MGAT4C: variants seen among roughly 807,000 people sequenced by gnomAD.
MGAT4C encodes the protein alpha-1,3-mannosyl-glycoprotein 4-beta-N-acetylglucosaminyltransferase C.
In MGAT4C, 19 loss-of-function variants were observed where a neutral mutation model predicts 40.1. That is an observed-to-expected ratio of 0.47 (90% CI 0.33 to 0.70). The LOEUF (loss-of-function observed/expected upper bound fraction) is 0.70. Among genes scored for constraint, MGAT4C ranks in the 30% least tolerant of loss-of-function variants. The pLI, the probability that MGAT4C is intolerant of heterozygous loss-of-function variation, is 0.02. For missense variants in MGAT4C, 491 were observed against 563.2 expected, an observed-to-expected ratio of 0.87 and a Z score of 1.30; for synonymous variants, 181 against 187.1, an observed-to-expected ratio of 0.97 and a Z score of 0.27.
intron 3 of MGAT4C, among the ~76,000 whole-genome samples, chr12:86,363,811 A>C (rs1032223303): frequency 6.6e-6 from 1 of 152,142 alleles, no homozygotes; most frequent in Non-Finnish European, 1.5e-5. Flanking sequence ...GAGGGATATT[A>C]TTACAAAGCC....
At chr12:86,477,463 A>G (rs1311434709) in intron 2 of MGAT4C, among the ~76,000 whole-genome samples, 3 of 152,144 alleles carry the variant, frequency 2.0e-5, no homozygotes, top group Non-Finnish European at 4.4e-5. Context: ...CTACTGGGTG[A>G]TAAGATCATT....
At chr12:86,531,148 T>C (rs1406045417) in intron 2 of MGAT4C, among the ~76,000 whole-genome samples, 2 of 152,106 alleles carry the variant, frequency 1.3e-5, no homozygotes, top group Non-Finnish European at 2.9e-5. Context: ...AAATAGCTTA[T>C]GCAACATTCA....
intron 1 of MGAT4C, among the ~76,000 whole-genome samples, chr12:86,199,368 G>A (rs1222304129): frequency 2.4e-5 from 2 of 83,996 alleles, no homozygotes; most frequent in African/African-American, 7.3e-5. Context: ...CAATGTTAAG[G>A]GACAGTTTAG....
intron 2 of MGAT4C, among the ~76,000 whole-genome samples, chr12:86,593,697 T>C (rs1961419768): frequency 6.6e-6 from 1 of 152,224 alleles, no homozygotes; most frequent in South Asian, 2.1e-4. Flanking sequence ...TCTAATTTCA[T>C]TTTATGATTA....
At chr12:86,203,977 T>TAA in intron 1 of MGAT4C, among the ~76,000 whole-genome samples, 1 of 141,732 alleles carries the variant, frequency 7.1e-6, no homozygotes, top group African/African-American at 2.6e-5. Context: ...AAAAAAGAAA[T>TAA]ATATATATAT....
rs576497605 is a variant in MGAT4C, at chr12:86,357,625, A to G, written c.-119-23498T>C. Among the ~76,000 whole-genome samples, 4 of 152,304 alleles carry G rather than the reference A, an allele frequency of 2.6e-5. No individual in the cohort carries two copies. The South Asian group carries it at 8.3e-4, about 32-fold the overall frequency. ...CTAACTAGAAGGAACAGTGTAGAGAAGAACTTAAATGACCTGATGGAGCTG... is the reference window on the plus strand; with the variant it reads ...CTAACTAGAAGGAACAGTGTAGAGAGGAACTTAAATGACCTGATGGAGCTG... On this transcript the variant is annotated intron_variant, in intron 3 of 7. Coordinates refer to the MGAT4C transcript ENST00000548651.
At chr12:86,067,378 A>T (rs1370477698) in intron 1 of MGAT4C, among the ~76,000 whole-genome samples, 1 of 152,224 alleles carries the variant, frequency 6.6e-6, no homozygotes. Context: ...CTATGTAGCC[A>T]TAAAAAGGAT....
intron 4 of MGAT4C, among the ~76,000 whole-genome samples, chr12:86,326,396 A>G (rs574285757): frequency 1.3e-4 from 20 of 152,164 alleles, no homozygotes; most frequent in African/African-American, 4.6e-4. Flanking sequence ...TTCACAATGT[A>G]TACCTATATT....
At chr12:86,749,531 CCAAA>C (rs992322788) in intron 1 of MGAT4C, among the ~76,000 whole-genome samples, 19 of 151,494 alleles carry the variant, frequency 1.3e-4, no homozygotes, top group Non-Finnish European at 1.8e-4. Flanking sequence ...AGAAAGAAAA[CCAAA>C]CAATGTATCA....
chr12:86,192,409 C>T lies in MGAT4C; in HGVS notation c.-57+63830G>A, dbSNP rs558942600. ...AAAATTCTGCAGTCATCTTTAGCAA[C>T]AGCCCTTCCACACCTGTTTGAGGAC... On this transcript the variant is annotated intron_variant, in intron 1 of 4. Transcript: ENST00000611864. Among the ~76,000 whole-genome samples, 32 of 152,244 alleles carry T rather than the reference C, an allele frequency of 2.1e-4. No individual in the cohort carries two copies. In the East Asian group the frequency reaches 6.0e-3, roughly 29 times the overall value.
At chr12:86,778,260 A>C (rs1349710023) in intron 1 of MGAT4C, among the ~76,000 whole-genome samples, 2 of 152,198 alleles carry the variant, frequency 1.3e-5, no homozygotes, top group Non-Finnish European at 2.9e-5. Flanking sequence ...AAGTGTGTGG[A>C]GCAGGGAGAG....
At chr12:86,061,953 C>T (rs1894022515) in intron 1 of MGAT4C, among the ~76,000 whole-genome samples, 3 of 152,172 alleles carry the variant, frequency 2.0e-5, no homozygotes, top group Admixed American at 2.0e-4. Context: ...ACAGCTTCAG[C>T]AGACTTAAAC....
intron 2 of MGAT4C, among the ~76,000 whole-genome samples, chr12:86,630,173 G>A (rs1593061280): frequency 6.6e-6 from 1 of 152,114 alleles, no homozygotes; most frequent in African/African-American, 2.4e-5. Flanking sequence ...TAAATTCCTC[G>A]ACACATACAC....
chr12:86,562,571 C>T (rs1345949983), intron 2 of MGAT4C, among the ~76,000 whole-genome samples: 1 of 152,078 alleles, frequency 6.6e-6, no homozygotes, highest in Non-Finnish European at 1.5e-5. Context: ...CAAATGACCT[C>T]CCCAGAGGCA....
intron 1 of MGAT4C, among the ~76,000 whole-genome samples, chr12:86,220,858 G>A (rs1018022339): frequency 6.6e-6 from 1 of 152,160 alleles, no homozygotes; most frequent in African/African-American, 2.4e-5. Context: ...TCTGCTTGTA[G>A]GATGCTTCTT....
chr12:86,315,605 C>T (rs1474238303), intron 4 of MGAT4C, among the ~76,000 whole-genome samples: 1 of 152,104 alleles, frequency 6.6e-6, no homozygotes, highest in Non-Finnish European at 1.5e-5. Flanking sequence ...GCTCTGGAGG[C>T]TGAGGCAGGA....
chr12:86,410,868 T>C (rs1199779463), intron 3 of MGAT4C, among the ~76,000 whole-genome samples: 1 of 152,204 alleles, frequency 6.6e-6, no homozygotes, highest in Non-Finnish European at 1.5e-5. Context: ...GTGGCTCCAG[T>C]TGGTCCCTCC....
intron 3 of MGAT4C, among the ~76,000 whole-genome samples, chr12:86,367,471 C>A (rs1282083926): frequency 6.6e-6 from 1 of 152,146 alleles, no homozygotes; most frequent in Non-Finnish European, 1.5e-5. Context: ...GCAGTCCAAG[C>A]CTCCGCTGAA....
At chr12:86,059,674 G>A (rs1893744881) in intron 1 of MGAT4C, among the ~76,000 whole-genome samples, 1 of 152,200 alleles carries the variant, frequency 6.6e-6, no homozygotes. Context: ...ATAGGTTGTA[G>A]TAGGCAGATC....
Sources: allele counts gnomAD v4.1 joint callset (sites outside exome capture counted in the v4.1 genomes callset), GRCh38; gene constraint gnomAD v4.1.1; transcripts MANE v1.5; gene names NCBI Gene and HGNC (gene_info 2026-07-23, HGNC 2026-07-21).